The following KAZN variants were observed in gnomAD, a reference collection of about 807,000 sequenced individuals.
The protein encoded by KAZN is kazrin, periplakin interacting protein, also known as kazrin.
A neutral mutation model predicts 87.4 loss-of-function variants in KAZN; 40 were observed. That is an observed-to-expected ratio of 0.46 (90% confidence interval 0.36 to 0.60). KAZN has a LOEUF of 0.60. KAZN is among the 20% of genes least tolerant of loss of function. The probability of loss-of-function intolerance (pLI) is 0.00; values close to 1 mark genes in which losing one functional copy is unlikely to be tolerated. For synonymous variants in KAZN, 466 were observed against 458.3 expected (o/e 1.02, Z -0.22); for missense variants, 898 against 1,073.9 (o/e 0.84, Z 2.29).
intron 2 of KAZN, among the ~76,000 whole-genome samples, chr1:14,274,884 A>G (rs898633842): frequency 1.3e-5 from 2 of 150,976 alleles, no homozygotes; most frequent in African/African-American, 4.9e-5. Flanking sequence ...ATATTTCTTC[A>G]GCGTGACCCA....
intron 2 of KAZN, among the ~76,000 whole-genome samples, chr1:14,446,913 T>G (rs1352836171): frequency 1.3e-5 from 2 of 152,020 alleles, no homozygotes; most frequent in African/African-American, 4.8e-5. Flanking sequence ...AAAAAAAAAT[T>G]CAACTTTTAT....
At chr1:14,621,819 C>G (rs949081407) in intron 1 of KAZN, among the ~76,000 whole-genome samples, 1 of 152,216 alleles carries the variant, frequency 6.6e-6, no homozygotes, top group Admixed American at 6.5e-5. Flanking sequence ...TGAGGCCCCC[C>G]CTCAACCATG....
chr1:14,570,415 C>T (rs72863616), intron 2 of KAZN, among the ~76,000 whole-genome samples: 59 of 152,292 alleles, frequency 3.9e-4, no homozygotes, highest in African/African-American at 1.4e-3. Flanking sequence ...CTATCCCTAG[C>T]CCCAGATCAC....
intron 1 of KAZN, among the ~76,000 whole-genome samples, chr1:14,080,617 G>C (rs891710254): frequency 6.6e-6 from 1 of 152,172 alleles, no homozygotes; most frequent in Non-Finnish European, 1.5e-5. Context: ...GTCATTTTGA[G>C]GATTAAATGA....
At chr1:15,023,520 C>A (rs911464432) in intron 2 of KAZN, among the ~76,000 whole-genome samples, 3 of 151,958 alleles carry the variant, frequency 2.0e-5, no homozygotes, top group Non-Finnish European at 4.4e-5. Flanking sequence ...GAGGCCAGGG[C>A]AGCTTCCCCG....
intron 2 of KAZN, among the ~76,000 whole-genome samples, chr1:14,295,213 G>GC (rs757747690): frequency 9.9e-5 from 15 of 152,118 alleles, no homozygotes; most frequent in Non-Finnish European, 1.9e-4. Context: ...TGGCTATCAG[G>GC]CCCTGATGAC....
intron 1 of KAZN, among the ~76,000 whole-genome samples, chr1:13,917,378 T>C (rs1245802415): frequency 1.3e-5 from 2 of 152,248 alleles, no homozygotes; most frequent in African/African-American, 2.4e-5. Context: ...AGAGGAAAAG[T>C]TGATGCTTGG....
intron 1 of KAZN, among the ~76,000 whole-genome samples, chr1:14,700,244 G>A (rs554296702): frequency 2.0e-5 from 3 of 152,162 alleles, no homozygotes; most frequent in Non-Finnish European, 4.4e-5. Flanking sequence ...AAAATGTGCT[G>A]TAACTGATCA....
intron 2 of KAZN, among the ~76,000 whole-genome samples, chr1:14,475,409 C>T (rs1248866688): frequency 2.0e-5 from 3 of 152,126 alleles, no homozygotes; most frequent in African/African-American, 4.8e-5. Context: ...CCTACTGATC[C>T]ATTACACCAG....
intron 1 of KAZN, among the ~76,000 whole-genome samples, chr1:14,627,273 A>G (rs1679212819): frequency 6.6e-6 from 1 of 151,984 alleles, no homozygotes; most frequent in Non-Finnish European, 1.5e-5. Flanking sequence ...AAGAAAGAGC[A>G]TGTGCAGAGG....
intron 1 of KAZN, among the ~76,000 whole-genome samples, chr1:14,740,550 C>T (rs189838177): frequency 6.6e-6 from 1 of 152,046 alleles, no homozygotes; most frequent in East Asian, 1.9e-4. Context: ...CTCCGCCCCC[C>T]CAAAAAAATG....
chr1:14,356,990 G>T (rs1391519173), intron 2 of KAZN, among the ~76,000 whole-genome samples: 2 of 151,938 alleles, frequency 1.3e-5, no homozygotes, highest in African/African-American at 4.8e-5. Context: ...GATAGGGATA[G>T]CATTGAATCT....
intron 2 of KAZN, among the ~76,000 whole-genome samples, chr1:14,520,431 C>G (rs1671526279): frequency 6.6e-6 from 1 of 152,040 alleles, no homozygotes; most frequent in Admixed American, 6.5e-5. Flanking sequence ...GCTGCAGGAG[C>G]CTGGGGGACA....
chr1:15,025,303 C>T (rs1376061365), intron 2 of KAZN, among the ~76,000 whole-genome samples: 1 of 152,236 alleles, frequency 6.6e-6, no homozygotes, highest in East Asian at 1.9e-4. Flanking sequence ...CACCATCTCA[C>T]TGGTGTGAAT....
intron 1 of KAZN, among the ~76,000 whole-genome samples, chr1:14,868,719 C>T (rs531460714): frequency 2.9e-4 from 44 of 151,710 alleles, no homozygotes; most frequent in African/African-American, 9.9e-4. Context: ...TGGCGTGTGC[C>T]TGTAGTCCCA....
chr1:14,729,933 G>C (rs576479008), intron 1 of KAZN, among the ~76,000 whole-genome samples: 1 of 152,128 alleles, frequency 6.6e-6, no homozygotes, highest in Admixed American at 6.6e-5. Flanking sequence ...TGACTATAAA[G>C]CTTTATTGGA....
At chr1:14,611,579 T>TG (rs112172927) in intron 1 of KAZN, among the ~76,000 whole-genome samples, 3 of 151,344 alleles carry the variant, frequency 2.0e-5, no homozygotes, top group Admixed American at 6.6e-5. Flanking sequence ...CCCAGCTACC[T>TG]GGGGGGGCTG....
At chr1:14,688,094 C>T (rs746288397) in intron 1 of KAZN, among the ~76,000 whole-genome samples, 4 of 152,236 alleles carry the variant, frequency 2.6e-5, no homozygotes, top group Non-Finnish European at 4.4e-5. Context: ...GACGTCTCTA[C>T]TCCTGGAATT....
At chr1:14,640,261 G>A (rs951163164) in intron 1 of KAZN, among the ~76,000 whole-genome samples, 1 of 152,184 alleles carries the variant, frequency 6.6e-6, no homozygotes, top group Non-Finnish European at 1.5e-5. Flanking sequence ...TCAACCGTCT[G>A]GGACCTGCTG....
Sources: gnomAD v4.1 joint callset for allele counts (sites outside exome capture counted in the v4.1 genomes callset) on GRCh38, gnomAD v4.1.1 for gene constraint, MANE v1.5 for transcripts, NCBI Gene and HGNC (gene_info 2026-07-23, HGNC 2026-07-21) for gene names.